The following LIMCH1 variants were observed in gnomAD, a reference collection of about 807,000 sequenced individuals.
The protein encoded by LIMCH1 is LIM and calponin homology domains 1, also known as LIM and calponin homology domains-containing protein 1.
LIMCH1 carries 113 observed loss-of-function variants against 176.5 expected under a neutral mutation model. The ratio of observed to expected loss-of-function variants is 0.64; its 90% CI spans 0.55 to 0.75. LIMCH1 has a LOEUF of 0.75. Among genes scored for constraint, LIMCH1 ranks in the 30% least tolerant of loss-of-function variants. The pLI is 0.00. For synonymous variants in LIMCH1, 619 were observed against 645.9 expected (o/e 0.96, Z 0.63); for missense variants, 1,674 against 1,814.9 (o/e 0.92, Z 1.41).
chr4:41,498,583 G>C (rs1449867676), intron 2 of LIMCH1, among the ~76,000 whole-genome samples: 1 of 152,206 alleles, frequency 6.6e-6, no homozygotes, highest in Admixed American at 6.5e-5. Flanking sequence ...AAGTGTGACA[G>C]AGCCACAAAT....
chr4:41,602,119 T>A (rs1584724972), intron 2 of LIMCH1, among the ~76,000 whole-genome samples: 1 of 76,918 alleles, frequency 1.3e-5, no homozygotes, highest in Admixed American at 2.0e-4. Flanking sequence ...GAAACTTGAG[T>A]AGACCAAAAA....
intron 9 of LIMCH1, among the ~76,000 whole-genome samples, 156 bp from the exon 10 acceptor site, chr4:41,630,992 A>C (rs2093289750): frequency 6.6e-6 from 1 of 151,656 alleles, no homozygotes; most frequent in Non-Finnish European, 1.5e-5. Flanking sequence ...CTCCCAAATA[A>C]TTTCCATTGA....
At chr4:41,611,860 A>G (rs1411577105) in intron 4 of LIMCH1, among the ~76,000 whole-genome samples, 1 of 152,244 alleles carries the variant, frequency 6.6e-6, no homozygotes, top group Non-Finnish European at 1.5e-5. Context: ...ATATGAAACC[A>G]TATCCAATTT....
At chr4:41,449,427 C>T (rs1401008608) in intron 1 of LIMCH1, among the ~76,000 whole-genome samples, 1 of 152,310 alleles carries the variant, frequency 6.6e-6, no homozygotes, top group South Asian at 2.1e-4. Context: ...AACAGCTATA[C>T]CTGTTTATTG....
At chr4:41,655,885 C>G (rs1043436170) in intron 18 of LIMCH1, among the ~76,000 whole-genome samples, 2 of 152,070 alleles carry the variant, frequency 1.3e-5, no homozygotes, top group African/African-American at 4.8e-5. Context: ...TTCTGGCCCC[C>G]TCCTGCCACC....
Position 41,626,749 on chromosome 4 carries a change from T to C in LIMCH1, c.767T>C (p.Ile256Thr), listed in dbSNP as rs1184451086. 2.0e-6 allele frequency: 3 copies of C among 1,536,382 alleles called. No individual in the cohort carries two copies. The highest frequency in any genetic ancestry group is 2.4e-5 in the East Asian group (1 of 40,898). ...GAAGAGAAAGAAGCTATTCGTGATATTGTCCTTCGCAAAGAAAACTCTTTC... is the reference window on the plus strand; with the variant it reads ...GAAGAGAAAGAAGCTATTCGTGATACTGTCCTTCGCAAAGAAAACTCTTTC... ...LSEEKEAIRDIVLRKENSFLT... is the reference protein window; with the variant it reads ...LSEEKEAIRDTVLRKENSFLT... Residue 256 changes from isoleucine to threonine, a missense_variant, in exon 8 of 32, where the codon ATT (isoleucine) becomes ACT (threonine). Physicochemically the swap from Ile to Thr is moderately conservative, Grantham distance 89. Coordinates refer to ENST00000503057, the MANE Select transcript of LIMCH1 (RefSeq NM_001330672.2).
At chr4:41,650,788 C>T (rs1403755493) in intron 18 of LIMCH1, among the ~76,000 whole-genome samples, 180 bp downstream of exon 18, 2 of 152,110 alleles carry the variant, frequency 1.3e-5, no homozygotes, top group African/African-American at 4.8e-5. Flanking sequence ...GTCTCACAGT[C>T]CTGGTAGCTA....
intron 21 of LIMCH1, among the ~76,000 whole-genome samples, chr4:41,669,176 C>T (rs1274297715): frequency 6.6e-6 from 1 of 152,120 alleles, no homozygotes; most frequent in African/African-American, 2.4e-5. Flanking sequence ...TCAGATTTCC[C>T]CTAATCTCTA....
chr4:41,539,154 T>A (rs2078304380), intron 1 of LIMCH1, among the ~76,000 whole-genome samples: 1 of 152,166 alleles, frequency 6.6e-6, no homozygotes, highest in Admixed American at 6.5e-5. Context: ...TTCATCTTTG[T>A]GGAGTCGGGA....
At chr4:41,460,458 C>CTTTATATATATATATATATA (rs372751468) in intron 1 of LIMCH1, among the ~76,000 whole-genome samples, 5 of 110,546 alleles carry the variant, frequency 4.5e-5, no homozygotes, top group African/African-American at 2.0e-4. Context: ...TAGTAATCAT[C>CTTTATATATATATATATATA]TATATATATA....
rs941581140 is a variant in LIMCH1 at position 41,626,081 on chromosome 4, T to G, written c.726-627T>G. On this transcript the variant is annotated intron_variant, in intron 7 of 31. Coordinates refer to ENST00000503057, the MANE Select transcript of LIMCH1 (RefSeq NM_001330672.2). ...GATAGAAGAGGGAAGAAAGAGTTGC[T>G]GATGGAAAGGTGCAGGGCAAGATAA... Among the ~76,000 whole-genome samples the G allele has an allele frequency of 2.4e-4, 37 of 152,210 alleles. 1 individual carries two copies. Among genetic ancestry groups the G allele is most frequent in the African/African-American group, 8.4e-4 (35 of 41,546 alleles).
intron 1 of LIMCH1, among the ~76,000 whole-genome samples, chr4:41,584,035 A>G (rs979600317): frequency 1.1e-4 from 17 of 152,084 alleles, no homozygotes; most frequent in African/African-American, 3.9e-4. Flanking sequence ...ATCTATTGAC[A>G]TGGCTCTTTG....
intron 1 of LIMCH1, among the ~76,000 whole-genome samples, chr4:41,391,903 T>C (rs2057286922): frequency 6.6e-6 from 1 of 152,222 alleles, no homozygotes; most frequent in Admixed American, 6.5e-5. Flanking sequence ...AAATGCACTA[T>C]GGTTAGATAA....
chr4:41,639,889 CTATCCT>C (rs2093748895), intron 14 of LIMCH1, among the ~76,000 whole-genome samples: 1 of 152,186 alleles, frequency 6.6e-6, no homozygotes, highest in Non-Finnish European at 1.5e-5. Flanking sequence ...CCTCCTCTGC[CTATCCT>C]TTCCTGAGCC....
chr4:41,648,342 G>C (rs1342081300), intron 17 of LIMCH1, among the ~76,000 whole-genome samples: 1 of 152,208 alleles, frequency 6.6e-6, no homozygotes, highest in African/African-American at 2.4e-5. Context: ...CAGAACTTCA[G>C]CTCTGAGAAA....
exon 2 of LIMCH1, chr4:41,494,569 T>C: frequency 6.2e-7 from 1 of 1,613,372 alleles, no homozygotes; most frequent in Non-Finnish European, 8.5e-7. Context: ...TGATAAAGAT[T>C]TTCGGACAGG....
intron 1 of LIMCH1, among the ~76,000 whole-genome samples, chr4:41,421,873 A>C (rs1324531253): frequency 1.3e-5 from 2 of 152,138 alleles, no homozygotes; most frequent in East Asian, 3.9e-4. Flanking sequence ...ACTTGAGCCT[A>C]GGAGTTTGAG....
At position 41,416,232 on chromosome 4, in the gene LIMCH1, T is replaced by C. The variant is rs140808179; in HGVS notation, c.96+55296T>C. Among the ~76,000 whole-genome samples the C allele has an allele frequency of 4.6e-3, 695 of 152,268 alleles. 3 individuals carry two copies. Among genetic ancestry groups the C allele is most frequent in the African/African-American group, 0.015 (639 of 41,548 alleles). On this transcript the variant is annotated intron_variant, in intron 1 of 26. Transcript: ENST00000313860. ...GCTAATGTGAGCTCAAATGAATAAA[T>C]GTAAATAGTTTCTGTAATTTCAAAA...
chr4:41,407,584 A>G lies in LIMCH1; in HGVS notation c.96+46648A>G, dbSNP rs377058088. On this transcript the variant is annotated intron_variant, in intron 1 of 26. Coordinates refer to the LIMCH1 transcript ENST00000313860. ...GTCCTGGAGGGACTGGTCCGTGTCC[A>G]TAGGTGAGGAGTGTCAGTGTTGTCA... Among the ~76,000 whole-genome samples, 5 of 152,342 alleles carry G rather than the reference A, an allele frequency of 3.3e-5. 1 individual carries two copies. The highest frequency in any genetic ancestry group is 3.9e-4 in the East Asian group (2 of 5,178).
Sources: allele counts gnomAD v4.1 joint callset (sites outside exome capture counted in the v4.1 genomes callset), GRCh38; gene constraint gnomAD v4.1.1; transcripts MANE v1.5; gene names NCBI Gene and HGNC (gene_info 2026-07-23, HGNC 2026-07-21).